RABEP1: variants seen among roughly 807,000 people sequenced by gnomAD.
RABEP1 encodes rab GTPase-binding effector protein 1.
In RABEP1, 51 loss-of-function variants were observed where a neutral mutation model predicts 123.4. That is an observed-to-expected ratio of 0.41 (90% CI 0.33 to 0.52). The LOEUF (loss-of-function observed/expected upper bound fraction) is 0.52, where lower values mean the gene tolerates loss of function less well. RABEP1 is among the 20% of genes least tolerant of loss of function. The pLI is 0.16. For missense variants in RABEP1, 888 were observed against 996.3 expected, an observed-to-expected ratio of 0.89 and a Z score of 1.46; for synonymous variants, 347 against 355.2, an observed-to-expected ratio of 0.98 and a Z score of 0.26.
chr17:5,373,937 G>A (rs761903706), intron 13 of RABEP1, among the ~76,000 whole-genome samples: 2 of 151,962 alleles, frequency 1.3e-5, no homozygotes, highest in Middle Eastern at 3.4e-3. Context: ...TATTTTTGTC[G>A]GCCCAGATTG....
rs945261185 is a variant in RABEP1, at chr17:5,384,889, T to A, written c.*1666T>A. ...ATGCAATCAATTTAAATTACGTAGGTTTAAGACTAGTCCCTTGGATAAGCC... is the reference window on the plus strand; with the variant it reads ...ATGCAATCAATTTAAATTACGTAGGATTAAGACTAGTCCCTTGGATAAGCC... On this transcript the variant is annotated 3_prime_UTR_variant, in exon 18 of 18. Coordinates refer to ENST00000537505, the MANE Select transcript of RABEP1 (RefSeq NM_004703.6). 4.5e-6 allele frequency: 1 copy of A among 222,106 alleles called. No homozygotes were observed. The highest frequency in any genetic ancestry group is 5.7e-5 in the Admixed American group (1 of 17,436). The allele number at this position is 222,106 out of a possible 1,614,324, so 13.8% of individuals were successfully genotyped here.
intron 12 of RABEP1, 96 bp downstream of exon 12, chr17:5,368,564 T>A: frequency 1.2e-6 from 1 of 841,830 alleles, no homozygotes; most frequent in Non-Finnish European, 1.9e-6. Context: ...TATCATCCTG[T>A]CCAAAGTAGT....
intron 1 of RABEP1, among the ~76,000 whole-genome samples, chr17:5,297,841 C>G (rs1439137564): frequency 6.6e-6 from 1 of 152,334 alleles, no homozygotes; most frequent in South Asian, 2.1e-4. Context: ...CTGTTATGCT[C>G]TATGGCTTCT....
rs1597310115 is a variant in RABEP1 at position 5,386,200 on chromosome 17, G to A, written c.*2977G>A. On this transcript the variant is annotated 3_prime_UTR_variant, in exon 18 of 18. Coordinates refer to ENST00000537505, the MANE Select transcript of RABEP1 (RefSeq NM_004703.6). ...CAGTTCAGGTGTGAGTCAGCTCCTG[G>A]TGGTGTCAGAAGTTTACATGATTGC... The A allele has an allele frequency of 1.2e-6, 2 of 1,611,032 alleles. No individual in the cohort carries two copies. Among genetic ancestry groups the A allele is most frequent in the African/African-American group, 2.7e-5 (2 of 74,958 alleles).
chr17:5,322,934 G>A (rs1439088664), intron 2 of RABEP1, among the ~76,000 whole-genome samples: 6 of 152,138 alleles, frequency 3.9e-5, no homozygotes, highest in Admixed American at 3.9e-4. Flanking sequence ...AAATTAGCCG[G>A]GCATGGTGGT....
intron 3 of RABEP1, among the ~76,000 whole-genome samples, chr17:5,332,918 A>G (rs764286280): frequency 6.6e-6 from 1 of 151,338 alleles, no homozygotes; most frequent in South Asian, 2.1e-4. Flanking sequence ...CCTGGTTTAG[A>G]TTTTTTAAGA....
chr17:5,337,423 C>T (rs576549064), intron 4 of RABEP1, among the ~76,000 whole-genome samples: 15 of 150,922 alleles, frequency 9.9e-5, no homozygotes, highest in South Asian at 6.2e-4. Flanking sequence ...CGGTGGCTCA[C>T]GCCTGTAATC....
intron 11 of RABEP1, among the ~76,000 whole-genome samples, chr17:5,366,856 G>A (rs1006114350): frequency 2.6e-5 from 4 of 151,762 alleles, no homozygotes; most frequent in East Asian, 2.0e-4. Flanking sequence ...TTGGGAGGCC[G>A]AGGCGGGCAG....
At chr17:5,290,725 TG>T (rs1167940762) in intron 1 of RABEP1, among the ~76,000 whole-genome samples, 2 of 152,144 alleles carry the variant, frequency 1.3e-5, no homozygotes, top group Non-Finnish European at 2.9e-5. Context: ...TTGGAGTAGC[TG>T]GAATTACTCC....
chr17:5,331,018 A>C (rs979788112), intron 2 of RABEP1, among the ~76,000 whole-genome samples: 5 of 132,746 alleles, frequency 3.8e-5, no homozygotes, highest in Non-Finnish European at 7.8e-5. Context: ...TTGAGACCCT[A>C]TCTCTTAACT....
At chr17:5,310,301 C>CGTTTTTTTTTTTTTTTTT (rs2075224343) in intron 2 of RABEP1, among the ~76,000 whole-genome samples, 1 of 126,436 alleles carries the variant, frequency 7.9e-6, no homozygotes, top group Non-Finnish European at 1.6e-5. Flanking sequence ...AAGCTTCGTC[C>CGTTTTTTTTTTTTTTTTT]TTTTTTTTTT....
chr17:5,367,353 C>A (rs1046779958), intron 11 of RABEP1, among the ~76,000 whole-genome samples: 2 of 151,776 alleles, frequency 1.3e-5, no homozygotes, highest in Non-Finnish European at 2.9e-5. Flanking sequence ...CTCACTGCAA[C>A]GTCTGCCTCC....
intron 13 of RABEP1, among the ~76,000 whole-genome samples, chr17:5,375,591 A>AT (rs1910922820): frequency 6.6e-6 from 1 of 152,048 alleles, no homozygotes; most frequent in South Asian, 2.1e-4. Flanking sequence ...CCCAGCTACA[A>AT]CTACTTGGGA....
chr17:5,383,347 T>A lies in RABEP1; in HGVS notation c.*124T>A, dbSNP rs1208318054. 4 of 786,010 alleles carry A rather than the reference T, an allele frequency of 5.1e-6. No individual in the cohort carries two copies. Among genetic ancestry groups the A allele is most frequent in the Non-Finnish European group, 8.4e-6 (4 of 477,124 alleles). The allele number at this position is 786,010 out of a possible 1,614,324, so 48.7% of individuals were successfully genotyped here. The stretch of plus-strand genomic sequence containing the variant: ...CACAACAAAAGGAAGACTGGAGAAA[T>A]GCTTACTTCTAGAGGGAGAAGACTG... On this transcript the variant is annotated 3_prime_UTR_variant, in exon 18 of 18. Transcript: ENST00000537505.
intron 2 of RABEP1, among the ~76,000 whole-genome samples, chr17:5,326,549 A>G (rs1905986236): frequency 6.6e-6 from 1 of 152,178 alleles, no homozygotes; most frequent in Non-Finnish European, 1.5e-5. Flanking sequence ...TTTATATGAT[A>G]CTGTGGTGGT....
In RABEP1 at chr17:5,378,218, G is replaced by T; in HGVS notation, c.2257G>T (p.Val753Leu). The T allele has an allele frequency of 6.3e-7, 1 of 1,593,966 alleles. No individual in the cohort carries two copies. Among genetic ancestry groups the T allele is most frequent in the Non-Finnish European group, 8.6e-7 (1 of 1,161,842 alleles). The change falls in exon 15 of 18, where the codon GTG (valine) becomes TTG (leucine). Residue 753 changes from valine to leucine, a missense_variant. Physicochemically the swap from Val to Leu is conservative, Grantham distance 32. Transcript: ENST00000537505. The part of the protein sequence containing the change: ...SLKAELERIK[V>L]EKGQLESTLR... The stretch of plus-strand genomic sequence containing the variant: ...AAAAGCTGAATTAGAAAGAATAAAA[G>T]TGGAAAAAGGACAGGTAAGTCGTGA...
intron 2 of RABEP1, among the ~76,000 whole-genome samples, chr17:5,331,724 C>T (rs1200609626): frequency 2.0e-5 from 3 of 152,002 alleles, no homozygotes; most frequent in Non-Finnish European, 2.9e-5. Context: ...AGTCAGCAGA[C>T]GGGAATGCGT....
In RABEP1 at chr17:5,361,484, G is replaced by A. The variant is rs1354793179; in HGVS notation, c.1372G>A (p.Gly458Arg). The A allele has an allele frequency of 6.2e-7, 1 of 1,614,020 alleles. No homozygotes were observed. The highest frequency in any genetic ancestry group is 8.5e-7 in the Non-Finnish European group (1 of 1,180,034). Reference sequence around the variant, plus strand: ...TGAGAACTTTGATACTGCATCCCTTGGGTCACTCCAGATGCCAAGTGGGTT... The same window carrying A: ...TGAGAACTTTGATACTGCATCCCTTAGGTCACTCCAGATGCCAAGTGGGTT... Reference protein sequence around the residue: ...VSENFDTASLGSLQMPSGFML... With the variant: ...VSENFDTASLRSLQMPSGFML... The change falls in exon 9 of 18, where the codon GGG (glycine) becomes AGG (arginine). Residue 458 changes from glycine to arginine, a missense_variant. Transcript: ENST00000537505.
intron 5 of RABEP1, among the ~76,000 whole-genome samples, chr17:5,339,946 CCTAT>C (rs1281664742): frequency 5.3e-5 from 8 of 152,168 alleles, no homozygotes; most frequent in African/African-American, 1.4e-4. Flanking sequence ...AAAGAGGGAT[CCTAT>C]CTAATAAACA....
Sources: gnomAD v4.1 joint callset for allele counts (sites outside exome capture counted in the v4.1 genomes callset) on GRCh38, gnomAD v4.1.1 for gene constraint, MANE v1.5 for transcripts, NCBI Gene and HGNC (gene_info 2026-07-23, HGNC 2026-07-21) for gene names.